The following ASAP2 variants were observed in gnomAD, a reference collection of about 807,000 sequenced individuals.
ASAP2 encodes the protein arf-GAP with SH3 domain, ANK repeat and PH domain-containing protein 2.
In ASAP2, 45 loss-of-function variants were observed where a neutral mutation model predicts 131.4. That is an observed-to-expected ratio of 0.34 (90% CI 0.27 to 0.44). The LOEUF (loss-of-function observed/expected upper bound fraction) is 0.44. ASAP2 is among the 20% of genes least tolerant of loss of function. The pLI is 1.00. For synonymous variants in ASAP2, 510 were observed against 503.0 expected (o/e 1.01, Z -0.19); for missense variants, 1,011 against 1,297.0 (o/e 0.78, Z 3.39).
chr2:9,286,594 GA>G (rs1667487527), intron 2 of ASAP2, among the ~76,000 whole-genome samples: 1 of 152,102 alleles, frequency 6.6e-6, no homozygotes, highest in Non-Finnish European at 1.5e-5. Flanking sequence ...AGAGTTTCTG[GA>G]AAGCAGTTTG....
intron 19 of ASAP2, among the ~76,000 whole-genome samples, chr2:9,380,387 G>A (rs757196275): frequency 3.6e-4 from 55 of 151,920 alleles, no homozygotes; most frequent in Non-Finnish European, 7.2e-4. Flanking sequence ...TAGTAGAGAC[G>A]GGGTTTCACC....
chr2:9,261,675 C>T (rs1457808093), intron 1 of ASAP2, among the ~76,000 whole-genome samples: 1 of 152,240 alleles, frequency 6.6e-6, no homozygotes, highest in East Asian at 1.9e-4. Context: ...GTGCTGCCCC[C>T]AACCTTTAAC....
intron 1 of ASAP2, among the ~76,000 whole-genome samples, chr2:9,258,020 C>T (rs941185352): frequency 3.4e-4 from 51 of 152,112 alleles, no homozygotes; most frequent in African/African-American, 1.2e-3. Context: ...AAGTGCTGTG[C>T]AGTTGGAAGC....
At chr2:9,367,943 A>G (rs1175142966) in intron 15 of ASAP2, among the ~76,000 whole-genome samples, 2 of 152,240 alleles carry the variant, frequency 1.3e-5, no homozygotes, top group Non-Finnish European at 2.9e-5. Flanking sequence ...TCTGCCGCTC[A>G]GGGAAACTGA....
At chr2:9,298,109 G>A (rs1668263677) in intron 3 of ASAP2, among the ~76,000 whole-genome samples, 4 of 152,188 alleles carry the variant, frequency 2.6e-5, no homozygotes, top group Admixed American at 1.3e-4. Flanking sequence ...GACCCTGCCC[G>A]GGTGGAATGG....
At chr2:9,287,460 G>C (rs1278172645) in intron 2 of ASAP2, among the ~76,000 whole-genome samples, 1 of 152,200 alleles carries the variant, frequency 6.6e-6, no homozygotes, top group East Asian at 1.9e-4. Flanking sequence ...CTTGTAGGAC[G>C]GATATCTGAA....
chr2:9,391,463 T>G (rs1428775636), intron 23 of ASAP2, among the ~76,000 whole-genome samples: 1 of 152,156 alleles, frequency 6.6e-6, no homozygotes, highest in Non-Finnish European at 1.5e-5. Flanking sequence ...CAACATTTCC[T>G]CCTTTACACA....
intron 11 of ASAP2, among the ~76,000 whole-genome samples, chr2:9,346,116 C>T (rs2148612048): frequency 6.6e-6 from 1 of 152,172 alleles, no homozygotes; most frequent in East Asian, 1.9e-4. Flanking sequence ...ACCCCAGGGC[C>T]ATGCAGTATG....
chr2:9,225,840 T>A (rs950158263), intron 1 of ASAP2, among the ~76,000 whole-genome samples: 1 of 152,326 alleles, frequency 6.6e-6, no homozygotes, highest in South Asian at 2.1e-4. Flanking sequence ...TGGCAACTCC[T>A]CATCTTCTAG....
At chr2:9,350,158 T>TA (rs1369774284) in intron 11 of ASAP2, among the ~76,000 whole-genome samples, 3 of 152,208 alleles carry the variant, frequency 2.0e-5, no homozygotes, top group African/African-American at 7.2e-5. Flanking sequence ...CCATTTTTCA[T>TA]ACACCTCTGA....
chr2:9,277,479 A>G (rs1225768955), intron 1 of ASAP2, among the ~76,000 whole-genome samples: 1 of 152,266 alleles, frequency 6.6e-6, no homozygotes, highest in Non-Finnish European at 1.5e-5. Flanking sequence ...AACTCCATAT[A>G]AGAAATCTTG....
chr2:9,385,616 G>T (rs1175950778), intron 21 of ASAP2, among the ~76,000 whole-genome samples: 1 of 152,188 alleles, frequency 6.6e-6, no homozygotes, highest in Non-Finnish European at 1.5e-5. Flanking sequence ...AAGGAAAGGT[G>T]TGTGTGGCGG....
intron 9 of ASAP2, among the ~76,000 whole-genome samples, chr2:9,344,049 C>T (rs534184712): frequency 6.6e-6 from 1 of 152,266 alleles, no homozygotes; most frequent in South Asian, 2.1e-4. Context: ...GTTTATTGGC[C>T]TTACTGGGTA....
intron 1 of ASAP2, among the ~76,000 whole-genome samples, chr2:9,242,047 C>T (rs1664007418): frequency 6.6e-6 from 1 of 152,152 alleles, no homozygotes; most frequent in Non-Finnish European, 1.5e-5. Flanking sequence ...CTAGTTTCCT[C>T]ATGTGAAGCA....
At chr2:9,238,734 T>C (rs1452673598) in intron 1 of ASAP2, among the ~76,000 whole-genome samples, 1 of 152,050 alleles carries the variant, frequency 6.6e-6, no homozygotes, top group Non-Finnish European at 1.5e-5. Context: ...ACCCTAAGAG[T>C]ACACTTTGAT....
In ASAP2 at chr2:9,302,290, A is replaced by G. The variant is rs76419341; in HGVS notation, c.345+4845A>G. Among the ~76,000 whole-genome samples the G allele has an allele frequency of 2.8e-3, 416 of 148,416 alleles. 17 individuals are homozygous for G. In the East Asian group the frequency reaches 0.076, roughly 27 times the overall value. ...CGCGTTCAAGCGATCCTTCTGCCTC[A>G]GCCTCCCGAGTAGCTGGGACTACAG... is the stretch of plus-strand genomic sequence containing the variant. On this transcript the variant is annotated intron_variant, in intron 3 of 27. Coordinates refer to ENST00000281419, the MANE Select transcript of ASAP2 (RefSeq NM_003887.3).
chr2:9,334,191 T>A (rs1344935648), intron 7 of ASAP2, among the ~76,000 whole-genome samples: 1 of 145,638 alleles, frequency 6.9e-6, no homozygotes, highest in Non-Finnish European at 1.5e-5. Context: ...CTTTTTGTAT[T>A]TTTGTATTTG....
intron 16 of ASAP2, among the ~76,000 whole-genome samples, chr2:9,373,565 T>TG (rs1264610935): frequency 6.6e-6 from 1 of 152,218 alleles, no homozygotes. Flanking sequence ...GCTCCCCTTC[T>TG]GGGGGGCCAG....
At chr2:9,285,825 C>G (rs1003086351) in intron 2 of ASAP2, among the ~76,000 whole-genome samples, 6 of 152,184 alleles carry the variant, frequency 3.9e-5, no homozygotes, top group African/African-American at 1.2e-4. Context: ...TACCCTCAAT[C>G]AGAATATCCT....
Sources: gnomAD v4.1 joint callset for allele counts (sites outside exome capture counted in the v4.1 genomes callset) on GRCh38, gnomAD v4.1.1 for gene constraint, MANE v1.5 for transcripts, NCBI Gene and HGNC (gene_info 2026-07-23, HGNC 2026-07-21) for gene names.